TRPM3: variants seen among roughly 807,000 people sequenced by gnomAD.
The protein encoded by TRPM3 is long transient receptor potential channel 3.
Under a neutral mutation model 181.2 loss-of-function variants are expected in TRPM3, and 77 were observed. That is an observed-to-expected ratio of 0.42 (90% CI 0.35 to 0.51). The LOEUF (loss-of-function observed/expected upper bound fraction) is 0.51, where lower values mean the gene tolerates loss of function less well. TRPM3 is among the 20% of genes least tolerant of loss of function. The probability of loss-of-function intolerance (pLI) is 0.01; values close to 1 mark genes in which losing one functional copy is unlikely to be tolerated. For synonymous variants in TRPM3, 745 were observed against 796.4 expected, an observed-to-expected ratio of 0.94 and a Z score of 1.09; for missense variants, 1,759 against 2,196.7, an observed-to-expected ratio of 0.80 and a Z score of 3.98.
intron 1 of TRPM3, among the ~76,000 whole-genome samples, chr9:71,327,092 TA>T (rs2089744786): frequency 6.6e-6 from 1 of 152,244 alleles, no homozygotes; most frequent in African/African-American, 2.4e-5. Flanking sequence ...AGATCCAGAT[TA>T]GTTGGTAGGA....
At chr9:71,024,615 C>T (rs1292593987) in intron 1 of TRPM3, among the ~76,000 whole-genome samples, 1 of 152,150 alleles carries the variant, frequency 6.6e-6, no homozygotes, top group Non-Finnish European at 1.5e-5. Flanking sequence ...GGCAAGTTAT[C>T]GAAACTTCTC....
chr9:71,040,188 C>T (rs977016891), intron 1 of TRPM3, among the ~76,000 whole-genome samples: 2 of 152,134 alleles, frequency 1.3e-5, no homozygotes, highest in African/African-American at 4.8e-5. Flanking sequence ...AAGCAAAAAC[C>T]AAAATCTCTT....
intron 1 of TRPM3, among the ~76,000 whole-genome samples, chr9:70,993,716 G>A (rs139229190): frequency 0.01 from 1,470 of 144,118 alleles, 19 homozygotes; most frequent in Non-Finnish European, 0.015. Flanking sequence ...GAAAGAAAGC[G>A]CTCCACTGCA....
At chr9:70,652,218 A>C (rs562691476) in intron 9 of TRPM3, among the ~76,000 whole-genome samples, 1 of 152,232 alleles carries the variant, frequency 6.6e-6, no homozygotes, top group African/African-American at 2.4e-5. Context: ...CAGGTTTTGG[A>C]GGAAAGATGA....
chr9:71,135,396 G>A (rs571427451), intron 1 of TRPM3, among the ~76,000 whole-genome samples: 1 of 152,208 alleles, frequency 6.6e-6, no homozygotes, highest in East Asian at 1.9e-4. Context: ...TTTCCAGGCT[G>A]TACCCAAAAG....
chr9:71,045,654 G>A (rs190912737), intron 1 of TRPM3, among the ~76,000 whole-genome samples: 1 of 152,270 alleles, frequency 6.6e-6, no homozygotes, highest in South Asian at 2.1e-4. Flanking sequence ...ATTTTTGACT[G>A]GGAGAAAGAA....
At chr9:70,686,847 A>C in intron 8 of TRPM3, among the ~76,000 whole-genome samples, 2 of 114,936 alleles carry the variant, frequency 1.7e-5, no homozygotes, top group Admixed American at 1.0e-4. Flanking sequence ...CTTTTTTGAG[A>C]CAGGGTCTCA....
chr9:70,957,485 G>A (rs1287287739), intron 1 of TRPM3, among the ~76,000 whole-genome samples: 1 of 152,024 alleles, frequency 6.6e-6, no homozygotes, highest in South Asian at 2.1e-4. Context: ...TGTCACACAG[G>A]GGTTGTGAAA....
intron 1 of TRPM3, among the ~76,000 whole-genome samples, chr9:71,351,273 A>C (rs1004315279): frequency 2.0e-5 from 3 of 152,240 alleles, no homozygotes; most frequent in Non-Finnish European, 4.4e-5. Context: ...TATTTAGAAA[A>C]TCAGCCTTAG....
intron 1 of TRPM3, among the ~76,000 whole-genome samples, chr9:71,272,399 A>G (rs1010996517): frequency 6.6e-6 from 1 of 152,170 alleles, no homozygotes; most frequent in Non-Finnish European, 1.5e-5. Context: ...ATATTGCACA[A>G]AGTCCAAATA....
chr9:70,960,266 G>A (rs1169426951), intron 1 of TRPM3, among the ~76,000 whole-genome samples: 1 of 152,126 alleles, frequency 6.6e-6, no homozygotes, highest in Non-Finnish European at 1.5e-5. Context: ...CAACAGAGAG[G>A]AGAGTTAGTG....
chr9:70,847,655 G>GA (rs2095032743), intron 3 of TRPM3, among the ~76,000 whole-genome samples: 2 of 144,362 alleles, frequency 1.4e-5, no homozygotes, highest in Non-Finnish European at 3.0e-5. Flanking sequence ...GTATAAGAAA[G>GA]AAAAAAATTA....
At chr9:70,738,312 T>C (rs1488833133) in intron 8 of TRPM3, among the ~76,000 whole-genome samples, 1 of 152,162 alleles carries the variant, frequency 6.6e-6, no homozygotes, top group East Asian at 1.9e-4. Context: ...CACCAACTCA[T>C]GGGTGCAGCG....
chr9:70,907,359 A>T (rs2133096580), intron 1 of TRPM3, among the ~76,000 whole-genome samples: 1 of 152,284 alleles, frequency 6.6e-6, no homozygotes, highest in East Asian at 1.9e-4. Flanking sequence ...CAGTTTTTAC[A>T]TTTTAATACT....
rs149873216 is a variant in TRPM3 at position 71,309,898 on chromosome 9, A to G, written c.183+136755T>C. Among the ~76,000 whole-genome samples, 1,466 of 152,236 alleles carry G rather than the reference A, an allele frequency of 9.6e-3. 26 individuals carry two copies. The highest frequency in any genetic ancestry group is 0.034 in the African/African-American group (1,394 of 41,566). On this transcript the variant is annotated intron_variant, in intron 1 of 24. Coordinates refer to the TRPM3 transcript ENST00000357533. The stretch of plus-strand genomic sequence containing the variant: ...AGTGATTTGTGGGATAAAACATTAA[A>G]TATTTCTATCATTATTCTTCATCCC...
At chr9:71,384,406 A>C (rs944818705) in intron 1 of TRPM3, among the ~76,000 whole-genome samples, 8 of 152,222 alleles carry the variant, frequency 5.3e-5, no homozygotes, top group Admixed American at 2.0e-4. Flanking sequence ...AATAGAAAAG[A>C]TATTAATTTG....
chr9:70,675,907 C>T (rs2134154784), intron 9 of TRPM3, among the ~76,000 whole-genome samples: 1 of 152,152 alleles, frequency 6.6e-6, no homozygotes, highest in East Asian at 1.9e-4. Context: ...TGATATCATT[C>T]TTATTTATCT....
chr9:71,022,792 T>C (rs758540968), intron 1 of TRPM3, among the ~76,000 whole-genome samples: 1 of 152,094 alleles, frequency 6.6e-6, no homozygotes, highest in African/African-American at 2.4e-5. Flanking sequence ...CTATGTAACA[T>C]ACCTGTACGT....
chr9:71,287,461 T>A (rs531157231), intron 1 of TRPM3, among the ~76,000 whole-genome samples: 1 of 152,136 alleles, frequency 6.6e-6, no homozygotes, highest in South Asian at 2.1e-4. Flanking sequence ...TTATCTGTAC[T>A]CATGGTAACA....
Sources: allele counts gnomAD v4.1 joint callset (sites outside exome capture counted in the v4.1 genomes callset), GRCh38; gene constraint gnomAD v4.1.1; transcripts MANE v1.5; gene names NCBI Gene and HGNC (gene_info 2026-07-23, HGNC 2026-07-21).